The following ABCD3 variants were observed in gnomAD, a reference collection of about 807,000 sequenced individuals.
The protein encoded by ABCD3 is ATP-binding cassette sub-family D member 3.
ABCD3 carries 41 observed loss-of-function variants against 105.5 expected under a neutral mutation model. The ratio of observed to expected loss-of-function variants is 0.39; its 90% CI spans 0.30 to 0.50. The LOEUF (loss-of-function observed/expected upper bound fraction) is 0.50, where lower values mean the gene tolerates loss of function less well. Among genes scored for constraint, ABCD3 ranks in the 20% least tolerant of loss-of-function variants. The pLI is 0.84. For synonymous variants in ABCD3, 258 were observed against 269.0 expected, an observed-to-expected ratio of 0.96 and a Z score of 0.40; for missense variants, 622 against 806.3, an observed-to-expected ratio of 0.77 and a Z score of 2.77.
At chr1:94,466,336 C>G (rs773978808) in intron 3 of ABCD3, among the ~76,000 whole-genome samples, 3 of 152,338 alleles carry the variant, frequency 2.0e-5, no homozygotes, top group South Asian at 4.1e-4. Context: ...TACATTCCTA[C>G]TGTTCTCACT....
intron 8 of ABCD3, 177 bp downstream of exon 8, chr1:94,478,492 C>A: frequency 7.1e-7 from 1 of 1,418,406 alleles, no homozygotes; most frequent in Non-Finnish European, 9.8e-7. Context: ...TTTAGAAGTA[C>A]TAATTTTTCT....
upstream of ABCD3, among the ~76,000 whole-genome samples, chr1:94,415,988 T>C (rs1014501381): frequency 6.6e-6 from 1 of 152,252 alleles, no homozygotes; most frequent in East Asian, 1.9e-4. Flanking sequence ...CTAAAATTAT[T>C]TGAGCTCGAA....
chr1:94,431,837 T>C (rs2100889040), intron 1 of ABCD3, among the ~76,000 whole-genome samples: 1 of 152,342 alleles, frequency 6.6e-6, no homozygotes, highest in African/African-American at 2.4e-5. Context: ...AATACAGTTA[T>C]GTTGCATCAG....
the ABCD3 span, among the ~76,000 whole-genome samples, chr1:94,402,640 G>A: frequency 9.2e-5 from 14 of 152,020 alleles, no homozygotes; most frequent in African/African-American, 2.9e-4. Flanking sequence ...CCTCAACAAC[G>A]TCCTCTACCC....
chr1:94,468,930 G>T (rs897985635), intron 4 of ABCD3, among the ~76,000 whole-genome samples: 4 of 152,136 alleles, frequency 2.6e-5, no homozygotes, highest in Non-Finnish European at 5.9e-5. Flanking sequence ...CTGAATATGG[G>T]TAAATTATGT....
rs1357368190 is a variant in ABCD3 at position 94,513,887 on chromosome 1, G to A, written c.1846-1259G>A. Reference sequence around the variant, plus strand: ...TATGTTTTATTAATACTGATAATATGCTTATTTTATTATGCAATTCCTAAC... The same window carrying A: ...TATGTTTTATTAATACTGATAATATACTTATTTTATTATGCAATTCCTAAC... On this transcript the variant is annotated intron_variant, in intron 21 of 22. Transcript: ENST00000370214. The A allele has an allele frequency of 2.0e-5, 3 of 152,046 alleles. No homozygotes were observed. In the East Asian group the frequency reaches 5.8e-4, roughly 29 times the overall value. The allele number at this position is 152,046 out of a possible 1,614,324, so 9.4% of individuals were successfully genotyped here. A position where few individuals can be genotyped will look rare whatever the true frequency, so the allele number is the denominator to read the frequency against.
intron 4 of ABCD3, among the ~76,000 whole-genome samples, chr1:94,469,984 C>T (rs910202248): frequency 4.6e-5 from 7 of 152,214 alleles, no homozygotes; most frequent in African/African-American, 1.7e-4. Flanking sequence ...CACTGAGTAG[C>T]AATCACGTTT....
chr1:94,508,499 T>A (rs1393376625), intron 21 of ABCD3, among the ~76,000 whole-genome samples: 2 of 151,490 alleles, frequency 1.3e-5, no homozygotes, highest in African/African-American at 4.9e-5. Flanking sequence ...CCATATGAAC[T>A]TTAAAGTAGT....
intron 21 of ABCD3, chr1:94,513,339 G>A (rs1373884509): frequency 6.6e-6 from 1 of 151,980 alleles, no homozygotes; most frequent in Non-Finnish European, 1.5e-5. Flanking sequence ...TTCCTCTTAT[G>A]CTCTAGCTAT....
intron 20 of ABCD3, among the ~76,000 whole-genome samples, chr1:94,504,951 T>C (rs924479173): frequency 2.0e-5 from 3 of 151,898 alleles, no homozygotes; most frequent in African/African-American, 7.3e-5. Flanking sequence ...AAAATAGCTG[T>C]GGGAGAGTGA....
chr1:94,474,512 C>T (rs981533233), intron 5 of ABCD3, among the ~76,000 whole-genome samples: 2 of 151,992 alleles, frequency 1.3e-5, no homozygotes, highest in African/African-American at 4.8e-5. Context: ...TTGAAATTGC[C>T]AGAAATTCTT....
intron 21 of ABCD3, chr1:94,513,993 G>A (rs1441141978): frequency 6.6e-6 from 1 of 151,990 alleles, no homozygotes. Context: ...GCAATCAGAG[G>A]TGTAGATACA....
intron 1 of ABCD3, among the ~76,000 whole-genome samples, chr1:94,426,118 A>G (rs375674289): frequency 3.9e-5 from 6 of 152,238 alleles, no homozygotes; most frequent in East Asian, 1.9e-4. Flanking sequence ...AGCTTCTTAA[A>G]AACTCCCGAG....
At chr1:94,480,333 A>G (rs182496796) in intron 8 of ABCD3, 131 bp from the exon 9 acceptor site, 6 of 1,129,590 alleles carry the variant, frequency 5.3e-6, no homozygotes, top group East Asian at 5.0e-5. Flanking sequence ...AAACAAAGGG[A>G]AAAAATTACC....
At chr1:94,421,311 A>T (rs1659249533) in intron 1 of ABCD3, among the ~76,000 whole-genome samples, 1 of 152,168 alleles carries the variant, frequency 6.6e-6, no homozygotes, top group Non-Finnish European at 1.5e-5. Flanking sequence ...ACACTATGTA[A>T]CACATCCCTA....
intron 1 of ABCD3, among the ~76,000 whole-genome samples, chr1:94,457,481 C>A (rs1476703116): frequency 2.0e-5 from 3 of 151,958 alleles, no homozygotes; most frequent in Non-Finnish European, 4.4e-5. Flanking sequence ...ATGTATGACC[C>A]CTGTAGTAGA....
chr1:94,411,966 T>C, the ABCD3 span, among the ~76,000 whole-genome samples: 1 of 152,192 alleles, frequency 6.6e-6, no homozygotes, highest in African/African-American at 2.4e-5. Context: ...AGATGAAAGC[T>C]GATTGATGGT....
At chr1:94,458,015 G>A (rs1246697150) in intron 1 of ABCD3, among the ~76,000 whole-genome samples, 1 of 152,162 alleles carries the variant, frequency 6.6e-6, no homozygotes, top group African/African-American at 2.4e-5. Context: ...GTTATGGAAA[G>A]GACCGATGCC....
intron 10 of ABCD3, among the ~76,000 whole-genome samples, chr1:94,487,274 A>G (rs956843591): frequency 1.3e-5 from 2 of 152,242 alleles, no homozygotes; most frequent in Non-Finnish European, 2.9e-5. Context: ...ATTGCATGCA[A>G]GAGAAACAGC....
Sources: gnomAD v4.1 joint callset for allele counts (sites outside exome capture counted in the v4.1 genomes callset) on GRCh38, gnomAD v4.1.1 for gene constraint, MANE v1.5 for transcripts, NCBI Gene and HGNC (gene_info 2026-07-23, HGNC 2026-07-21) for gene names.